The following SLC43A2 variants were observed in gnomAD, a reference collection of about 807,000 sequenced individuals.
SLC43A2 encodes the protein large neutral amino acids transporter small subunit 4.
SLC43A2 carries 38 observed loss-of-function variants against 63.2 expected under a neutral mutation model. The ratio of observed to expected loss-of-function variants is 0.60; its 90% confidence interval spans 0.46 to 0.79. The LOEUF (loss-of-function observed/expected upper bound fraction) is 0.79, where lower values mean the gene tolerates loss of function less well. SLC43A2 is among the 30% of genes least tolerant of loss of function. The pLI, the probability that SLC43A2 is intolerant of heterozygous loss-of-function variation, is 0.00. For synonymous variants in SLC43A2, 322 were observed against 331.0 expected (o/e 0.97, Z 0.30); for missense variants, 644 against 756.2 (o/e 0.85, Z 1.74).
intron 5 of SLC43A2, among the ~76,000 whole-genome samples, chr17:1,609,447 C>A (rs1187003416): frequency 6.6e-6 from 1 of 152,220 alleles, no homozygotes; most frequent in East Asian, 1.9e-4. Flanking sequence ...GGTGATCTGC[C>A]CGCCTCAGCC....
chr17:1,591,710 C>G lies in SLC43A2; in HGVS notation c.595-11G>C. The G allele has an allele frequency of 3.2e-6, 3 of 930,390 alleles. No individual in the cohort carries two copies. The South Asian group carries it at 5.9e-5, about 18-fold the overall frequency. 57.6% of individuals were successfully genotyped at this position (930,390 alleles called of 1,614,324 possible). A position where few individuals can be genotyped will look rare whatever the true frequency, so the allele number is the denominator to read the frequency against. On this transcript the variant is annotated splice_polypyrimidine_tract_variant and intron_variant, in intron 6 of 13. Transcript: ENST00000301335. ...AGCATCATAGATGAGCTGACAGGCA[C>G]CGCGGGGACGGGGTGGGGGGGGGAG...
chr17:1,611,601 C>T (rs533412945), intron 5 of SLC43A2, among the ~76,000 whole-genome samples: 1 of 150,588 alleles, frequency 6.6e-6, no homozygotes, highest in South Asian at 2.1e-4. Flanking sequence ...CGTCACTGCA[C>T]TCCAGCCTGG....
At chr17:1,594,864 A>G (rs1183339995) in intron 5 of SLC43A2, among the ~76,000 whole-genome samples, 2 of 151,882 alleles carry the variant, frequency 1.3e-5, no homozygotes, top group Non-Finnish European at 2.9e-5. Flanking sequence ...CTGGGATTAC[A>G]GGCGTGAGCC....
chr17:1,628,063 C>T (rs756581652), intron 1 of SLC43A2, 143 bp from the exon 2 acceptor site: 5 of 842,538 alleles, frequency 5.9e-6, no homozygotes, highest in African/African-American at 1.8e-5. Context: ...AGGAAGCGAA[C>T]CCCAGCCCTG....
chr17:1,622,967 A>G (rs1417052780), intron 2 of SLC43A2, among the ~76,000 whole-genome samples: 6 of 149,150 alleles, frequency 4.0e-5, no homozygotes, highest in Non-Finnish European at 8.9e-5. Context: ...TTAGCCGGGT[A>G]TGGTGGCAGG....
At chr17:1,596,360 G>A (rs376749057) in intron 5 of SLC43A2, among the ~76,000 whole-genome samples, 3 of 151,362 alleles carry the variant, frequency 2.0e-5, no homozygotes, top group African/African-American at 4.9e-5. Flanking sequence ...GTGGTGGCTC[G>A]TGCCTGTCAT....
At chr17:1,622,431 G>A (rs1194501043) in intron 2 of SLC43A2, among the ~76,000 whole-genome samples, 2 of 152,126 alleles carry the variant, frequency 1.3e-5, no homozygotes, top group Non-Finnish European at 2.9e-5. Flanking sequence ...CAGGCGTGGT[G>A]GCGGGCGCCT....
At chr17:1,629,841 TCCCCGTCTTCGTC>T (rs1237313216), upstream of SLC43A2, among the ~76,000 whole-genome samples, 6 of 152,100 alleles carry the variant, frequency 3.9e-5, no homozygotes, top group Non-Finnish European at 8.8e-5. Flanking sequence ...AAAGCTCAGC[TCCCCGTCTTCGTC>T]CCCCGGATTC....
At chr17:1,595,701 T>G (rs546744500) in intron 5 of SLC43A2, among the ~76,000 whole-genome samples, 2 of 152,210 alleles carry the variant, frequency 1.3e-5, no homozygotes, top group East Asian at 3.9e-4. Flanking sequence ...TATCTTGGCC[T>G]CCCAAAGTGC....
chr17:1,585,896 C>T lies in SLC43A2; in HGVS notation c.1217+17G>A, dbSNP rs199990399. ...GGCTGCGGGCTGGGAGCCGGGGCAC[C>T]GGCCCTGCCTACGCACTGGTTGGCG... is the stretch of plus-strand genomic sequence containing the variant. On this transcript the variant is annotated intron_variant, in intron 10 of 13. Coordinates refer to ENST00000301335, the MANE Select transcript of SLC43A2 (RefSeq NM_152346.3). 54 of 1,613,414 alleles carry T rather than the reference C, an allele frequency of 3.3e-5. No individual in the cohort carries two copies. The highest frequency in any genetic ancestry group is 1.1e-4 in the African/African-American group (8 of 75,080).
rs1176687460 is a variant in SLC43A2 at position 1,577,378 on chromosome 17, A to G, written c.1425-658T>C. Among the ~76,000 whole-genome samples the G allele has an allele frequency of 6.6e-6, 1 of 152,216 alleles. No individual in the cohort carries two copies. Among genetic ancestry groups the G allele is most frequent in the Non-Finnish European group, 1.5e-5 (1 of 68,024 alleles). On this transcript the variant is annotated intron_variant, in intron 12 of 13. Transcript: ENST00000301335. The surrounding 1 kb of genome is among the most constrained non-coding windows in gnomAD (Gnocchi z 4.9). The stretch of plus-strand genomic sequence containing the variant: ...GCTCTGCAGTGCCCTCGTCCAGAGA[A>G]GCATTGAGTAATCGCGGAAACTCAG...
rs187500743 is a variant in SLC43A2 at position 1,583,016 on chromosome 17, T to C, written c.1350+188A>G. Among the ~76,000 whole-genome samples, 1 of 151,426 alleles carries C rather than the reference T, an allele frequency of 6.6e-6. No individual in the cohort carries two copies. Among genetic ancestry groups the C allele is most frequent in the African/African-American group, 2.4e-5 (1 of 41,264 alleles). On this transcript the variant is annotated intron_variant, in intron 11 of 13. Coordinates refer to ENST00000301335, the MANE Select transcript of SLC43A2 (RefSeq NM_152346.3). This position sits in a 1 kb window ranked among gnomAD's most constrained non-coding sequence, Gnocchi z 5.5. ...ATCGCTTGAACCCAGGAGGCTGAGGTTGCAGTGAGCCGAGATCACACCACT... is the reference window on the plus strand; with the variant it reads ...ATCGCTTGAACCCAGGAGGCTGAGGCTGCAGTGAGCCGAGATCACACCACT...
rs532911374 is a variant in SLC43A2, at chr17:1,581,910, A to G, written c.1350+1294T>C. On this transcript the variant is annotated intron_variant, in intron 11 of 13. Coordinates refer to ENST00000301335, the MANE Select transcript of SLC43A2 (RefSeq NM_152346.3). ...AACCTCTGCCACCCGGATTCAAGCAATTCTCCTGCCTCAGCCCTCCTGAGT... is the reference window on the plus strand; with the variant it reads ...AACCTCTGCCACCCGGATTCAAGCAGTTCTCCTGCCTCAGCCCTCCTGAGT... Among the ~76,000 whole-genome samples, 13 of 151,272 alleles carry G rather than the reference A, an allele frequency of 8.6e-5. No individual in the cohort carries two copies. In the East Asian group the frequency reaches 2.1e-3, roughly 25 times the overall value.
chr17:1,616,143 CTATAA>C (rs1213287290), intron 3 of SLC43A2, among the ~76,000 whole-genome samples: 1 of 151,120 alleles, frequency 6.6e-6, no homozygotes, highest in Non-Finnish European at 1.5e-5. Flanking sequence ...TCTGGTGGAG[CTATAA>C]GGTCAAACGG....
chr17:1,621,922 G>A (rs890279395), intron 2 of SLC43A2, among the ~76,000 whole-genome samples: 2 of 152,246 alleles, frequency 1.3e-5, no homozygotes, highest in African/African-American at 2.4e-5. Flanking sequence ...CCATGTGCCG[G>A]CAACACCAGG....
At chr17:1,585,785 C>A (rs775716280) in intron 10 of SLC43A2, 128 bp downstream of exon 10, 3 of 1,599,104 alleles carry the variant, frequency 1.9e-6, no homozygotes, top group Non-Finnish European at 2.5e-6. Context: ...TCTCTAAGGG[C>A]TCCGGGAGCA....
In SLC43A2 at chr17:1,605,924, T is replaced by C. The variant is rs1906572260; in HGVS notation, c.501+7271A>G. ...GTGCCTTCCCGGCCGGGTCCAGTCC[T>C]GCCAATACCGCTGCCCTTTCCGTCT... On this transcript the variant is annotated intron_variant, in intron 5 of 13. Transcript: ENST00000301335. The surrounding 1 kb of genome is among the most constrained non-coding windows in gnomAD (Gnocchi z 4.9). 6.6e-6 allele frequency among the ~76,000 whole-genome samples: 1 copy of C among 152,150 alleles called. No homozygotes were observed. Among genetic ancestry groups the C allele is most frequent in the Non-Finnish European group, 1.5e-5 (1 of 68,006 alleles).
At chr17:1,609,091 G>C (rs530156804) in intron 5 of SLC43A2, among the ~76,000 whole-genome samples, 2 of 152,282 alleles carry the variant, frequency 1.3e-5, no homozygotes, top group African/African-American at 2.4e-5. Flanking sequence ...TTTAAAAATG[G>C]CATGTCGTTT....
intron 5 of SLC43A2, among the ~76,000 whole-genome samples, chr17:1,595,236 G>A (rs1445866589): frequency 6.6e-6 from 1 of 151,576 alleles, no homozygotes; most frequent in Non-Finnish European, 1.5e-5. Flanking sequence ...AGCCGACACT[G>A]CGCCACTGCA....
Sources: allele counts gnomAD v4.1 joint callset (sites outside exome capture counted in the v4.1 genomes callset), GRCh38; gene constraint gnomAD v4.1.1; non-coding constraint Gnocchi (gnomAD v3.1); transcripts MANE v1.5; gene names NCBI Gene and HGNC (gene_info 2026-07-23, HGNC 2026-07-21).